Variants in GRAMD1B observed in about 807,000 individuals in gnomAD.
GRAMD1B encodes protein Aster-B.
A neutral mutation model predicts 99.7 loss-of-function variants in GRAMD1B; 37 were observed. The observed-to-expected ratio is 0.37, with a 90% CI of 0.29 to 0.49. The LOEUF is 0.49. GRAMD1B is among the 20% of genes least tolerant of loss of function. GRAMD1B has a pLI of 0.98. For missense variants in GRAMD1B, 888 were observed against 1,009.2 expected (o/e 0.88, Z 1.63); for synonymous variants, 427 against 387.6 (o/e 1.10, Z -1.19).
chr11:123,465,977 T>C (rs557186360), intron 1 of GRAMD1B, among the ~76,000 whole-genome samples: 1 of 151,820 alleles, frequency 6.6e-6, no homozygotes, highest in East Asian at 2.0e-4. Flanking sequence ...ATACTGATTG[T>C]TGAAAATAAA....
chr11:123,397,044 A>C (rs1947488540), intron 1 of GRAMD1B, among the ~76,000 whole-genome samples: 1 of 152,178 alleles, frequency 6.6e-6, no homozygotes, highest in African/African-American at 2.4e-5. Flanking sequence ...TATAACACCA[A>C]AATCAAAATA....
intron 1 of GRAMD1B, among the ~76,000 whole-genome samples, chr11:123,406,228 G>A (rs1366495054): frequency 1.1e-4 from 16 of 151,480 alleles, no homozygotes; most frequent in African/African-American, 3.2e-4. Flanking sequence ...TGGGATTACA[G>A]GTGTGAGCTA....
intron 1 of GRAMD1B, among the ~76,000 whole-genome samples, chr11:123,456,942 A>G (rs548852728): frequency 6.7e-6 from 1 of 149,514 alleles, no homozygotes; most frequent in African/African-American, 2.5e-5. Flanking sequence ...AAAAAAGAAA[A>G]AGAAAAGAAA....
At chr11:123,435,348 G>T in intron 1 of GRAMD1B, 1 of 691,992 alleles carries the variant, frequency 1.4e-6, no homozygotes, top group Non-Finnish European at 2.6e-6. Context: ...GCCATAGCTT[G>T]TGGATTTCTT....
At chr11:123,457,136 A>AGAAT (rs1565514363) in intron 1 of GRAMD1B, among the ~76,000 whole-genome samples, 2 of 148,936 alleles carry the variant, frequency 1.3e-5, no homozygotes, top group African/African-American at 2.5e-5. Context: ...AAAGAAAGAA[A>AGAAT]GAATTAGAAC....
rs532091098 is a variant in GRAMD1B, at chr11:123,557,977, CT to C, written c.453-19366del. Among the ~76,000 whole-genome samples the C allele has an allele frequency of 8.7e-4, 87 of 99,938 alleles. 1 individual carries two copies. The highest frequency in any genetic ancestry group is 3.2e-3 in the Admixed American group (24 of 7,398). 65.6% of individuals were successfully genotyped at this position (99,938 alleles called of 152,430 possible). On this transcript the variant is annotated intron_variant, in intron 2 of 19. Coordinates refer to ENST00000635736, the MANE Select transcript of GRAMD1B (RefSeq NM_001387025.1). The stretch of plus-strand genomic sequence containing the variant: ...ATGGAGGAAAGGACATTCAGTGCAA[CT>C]TTTTTTTTTTTTTTTTTTTTTTTAA...
intron 2 of GRAMD1B, among the ~76,000 whole-genome samples, chr11:123,546,579 C>A (rs1945058753): frequency 6.6e-6 from 1 of 152,162 alleles, no homozygotes; most frequent in Non-Finnish European, 1.5e-5. Context: ...CTTCAATCTG[C>A]CCCTGTTCCC....
chr11:123,520,067 A>C (rs906962875), intron 2 of GRAMD1B, among the ~76,000 whole-genome samples: 1 of 152,152 alleles, frequency 6.6e-6, no homozygotes, highest in African/African-American at 2.4e-5. Flanking sequence ...AACACCAATC[A>C]TGTTTTTGTT....
At chr11:123,494,512 C>G (rs966341976) in intron 2 of GRAMD1B, among the ~76,000 whole-genome samples, 2 of 151,978 alleles carry the variant, frequency 1.3e-5, no homozygotes, top group Non-Finnish European at 2.9e-5. Context: ...CCTGCTTCCC[C>G]AAGTTCCCAG....
At chr11:123,473,828 C>A (rs942284625) in intron 1 of GRAMD1B, among the ~76,000 whole-genome samples, 1 of 152,178 alleles carries the variant, frequency 6.6e-6, no homozygotes, top group Non-Finnish European at 1.5e-5. Context: ...ACCCCAGTCA[C>A]ATTTGTTTAC....
Position 123,466,329 on chromosome 11 carries a change from AGAAAGAAG to A in GRAMD1B, c.375-14483_375-14476del, listed in dbSNP as rs375437511. On this transcript the variant is annotated intron_variant, in intron 1 of 19. Coordinates refer to ENST00000635736, the MANE Select transcript of GRAMD1B (RefSeq NM_001387025.1). ...GAGAGAGAGAAAGAGAAAGAAAGAA[AGAAAGAAG>A]GAAGGAAGGAAGGAAAGAAGGAAGG... 4.3e-3 allele frequency among the ~76,000 whole-genome samples: 646 copies of A among 150,478 alleles called. 9 individuals are homozygous for A. Among genetic ancestry groups the A allele is most frequent in the African/African-American group, 0.015 (618 of 40,828 alleles).
At chr11:123,545,444 T>G (rs1471479459) in intron 2 of GRAMD1B, among the ~76,000 whole-genome samples, 1 of 152,200 alleles carries the variant, frequency 6.6e-6, no homozygotes. Context: ...GGGGACCTAG[T>G]CCATCAGAAT....
At position 123,498,114 on chromosome 11, in the gene GRAMD1B, G is replaced by A. The variant is rs1939503170; in HGVS notation, c.452+17221G>A. Among the ~76,000 whole-genome samples, 3 of 152,226 alleles carry A rather than the reference G, an allele frequency of 2.0e-5. No homozygotes were observed. In the South Asian group the frequency reaches 6.2e-4, roughly 32 times the overall value. ...TTGTGATGAATGCTGCCAGGCCTGG[G>A]ACCCACCCTTCAGGGCAGTGAGCTC... On this transcript the variant is annotated intron_variant, in intron 2 of 19. Coordinates refer to ENST00000635736, the MANE Select transcript of GRAMD1B (RefSeq NM_001387025.1).
At chr11:123,415,255 A>C (rs1948196808) in intron 1 of GRAMD1B, among the ~76,000 whole-genome samples, 2 of 151,348 alleles carry the variant, frequency 1.3e-5, no homozygotes, top group Admixed American at 1.3e-4. Context: ...GGTGTGCACC[A>C]CCACACCCAG....
chr11:123,383,383 G>A (rs1185469320), intron 1 of GRAMD1B, among the ~76,000 whole-genome samples: 2 of 152,190 alleles, frequency 1.3e-5, no homozygotes, highest in Non-Finnish European at 2.9e-5. Context: ...CTGAATGTGA[G>A]CCTTGGGCTA....
At chr11:123,569,742 T>C (rs1947847638) in intron 2 of GRAMD1B, among the ~76,000 whole-genome samples, 2 of 152,222 alleles carry the variant, frequency 1.3e-5, no homozygotes, top group East Asian at 3.8e-4. Context: ...AATGAAACTT[T>C]GGAATCAGCA....
chr11:123,434,537 C>T (rs1949071320), intron 1 of GRAMD1B, among the ~76,000 whole-genome samples: 1 of 152,104 alleles, frequency 6.6e-6, no homozygotes, highest in South Asian at 2.1e-4. Context: ...GCCTGTAATC[C>T]CAGCACTTTG....
At position 123,618,731 on chromosome 11, in the gene GRAMD1B, A is replaced by G; in HGVS notation, c.2357A>G (p.Tyr786Cys). The G allele has an allele frequency of 6.3e-7, 1 of 1,589,078 alleles. No individual in the cohort carries two copies. Among genetic ancestry groups the G allele is most frequent in the Non-Finnish European group, 8.6e-7 (1 of 1,166,880 alleles). Residue 786 changes from tyrosine to cysteine, a missense_variant, in exon 18 of 20, where the codon TAC (tyrosine) becomes TGC (cysteine). Tyr to Cys is a radical substitution (Grantham distance 194). Coordinates refer to ENST00000635736, the MANE Select transcript of GRAMD1B (RefSeq NM_001387025.1). Reference sequence around the variant, plus strand: ...GTCATCCTTAACATGATGCTCTTCTACAAACTCTGGATGTTGGAATACACC... The same window carrying G: ...GTCATCCTTAACATGATGCTCTTCTGCAAACTCTGGATGTTGGAATACACC... ...LLVILNMMLF[Y>C]KLWMLEYTTQ... is the part of the protein sequence containing the mutation.
chr11:123,500,741 C>T (rs542113344), intron 2 of GRAMD1B, among the ~76,000 whole-genome samples: 59 of 152,104 alleles, frequency 3.9e-4, no homozygotes, highest in African/African-American at 1.4e-3. Flanking sequence ...GGCGCGATCG[C>T]GGCTTACTGC....
Sources: allele counts gnomAD v4.1 joint callset (sites outside exome capture counted in the v4.1 genomes callset), GRCh38; gene constraint gnomAD v4.1.1; transcripts MANE v1.5; gene names NCBI Gene and HGNC (gene_info 2026-07-23, HGNC 2026-07-21).